Variants in MYCBP2 observed in about 807,000 individuals in gnomAD.
The protein encoded by MYCBP2 is MYC binding protein 2.
Under a neutral mutation model 525.3 loss-of-function variants are expected in MYCBP2, and 120 were observed. That is an observed-to-expected ratio of 0.23 (90% CI 0.20 to 0.27). The LOEUF (loss-of-function observed/expected upper bound fraction) is 0.27. MYCBP2 is among the 10% of genes least tolerant of loss of function. The pLI is 1.00. For missense variants in MYCBP2, 4,149 were observed against 5,657.1 expected (o/e 0.73, Z 8.55); for synonymous variants, 1,894 against 1,955.8 (o/e 0.97, Z 0.83).
rs953653995 is a variant in MYCBP2 at position 77,051,876 on chromosome 13, G to A, written c.13690C>T (p.Arg4564Trp). The A allele has an allele frequency of 5.6e-6, 9 of 1,613,964 alleles. No individual in the cohort carries two copies. The highest frequency in any genetic ancestry group is 4.4e-5 in the South Asian group (4 of 91,080). ...GEARCDAEAG[R>W]GDDYDPRELI... ...TCTCTGGGATCATAATCATCTCCCCGTCCAGCCTCAGCATCGCAGCGAGCT... is the reference window on the plus strand; with the variant it reads ...TCTCTGGGATCATAATCATCTCCCCATCCAGCCTCAGCATCGCAGCGAGCT... The change falls in exon 81 of 83, where the codon CGG becomes TGG. Residue 4564 changes from arginine to tryptophan, a missense_variant. Arg to Trp is a moderately radical substitution (Grantham distance 101). Around this residue, in one of 21 missense-constraint regions of MYCBP2, gnomAD observed 24 missense variants for 24.9 expected, o/e 0.96. Transcript: ENST00000544440.
chr13:77,164,197 C>T (rs1466723401), intron 43 of MYCBP2, among the ~76,000 whole-genome samples: 1 of 152,050 alleles, frequency 6.6e-6, no homozygotes, highest in Admixed American at 6.6e-5. Flanking sequence ...GCTGAATATA[C>T]ACACTATACC....
At chr13:77,166,687 G>A (rs1348738113) in intron 40 of MYCBP2, 133 bp from the exon 41 acceptor site, 2 of 496,500 alleles carry the variant, frequency 4.0e-6, no homozygotes, top group African/African-American at 3.9e-5. Context: ...AATTAAAATA[G>A]AATAAAATGT....
intron 46 of MYCBP2, among the ~76,000 whole-genome samples, chr13:77,154,525 A>G (rs1200260407): frequency 6.6e-6 from 1 of 152,134 alleles, no homozygotes; most frequent in Non-Finnish European, 1.5e-5. Flanking sequence ...CCAGATATCA[A>G]AAGAGATAAT....
rs2080160395 is a variant in MYCBP2 at position 77,311,210 on chromosome 13, T to C, written c.303-14536A>G. 2.0e-5 allele frequency among the ~76,000 whole-genome samples: 3 copies of C among 152,184 alleles called. No homozygotes were observed. In the South Asian group the frequency reaches 6.2e-4, roughly 32 times the overall value. On this transcript the variant is annotated intron_variant, in intron 1 of 82. Transcript: ENST00000544440. ...GAACTGAGAAAAGAAACTGATATGA[T>C]GGAAAATGGGTAAGAAGTCCTGAAA...
At chr13:77,243,706 C>A (rs1331335010) in intron 16 of MYCBP2, 100 bp downstream of exon 16, 3 of 1,014,906 alleles carry the variant, frequency 3.0e-6, no homozygotes. Context: ...TAATTATTAT[C>A]CTAATTTATT....
intron 18 of MYCBP2, among the ~76,000 whole-genome samples, chr13:77,225,992 GA>G: frequency 6.6e-6 from 1 of 152,178 alleles, no homozygotes; most frequent in Non-Finnish European, 1.5e-5. Context: ...ATTCACAAGT[GA>G]CTTAGATTTC....
intron 2 of MYCBP2, among the ~76,000 whole-genome samples, chr13:77,290,643 C>T (rs1262985520): frequency 6.6e-6 from 1 of 152,186 alleles, no homozygotes; most frequent in African/African-American, 2.4e-5. Flanking sequence ...CACTGGACAA[C>T]ATTCTTAAAA....
intron 6 of MYCBP2, 115 bp downstream of exon 6, chr13:77,270,181 A>G (rs2074679029): frequency 2.1e-6 from 3 of 1,430,184 alleles, no homozygotes; most frequent in Admixed American, 2.3e-5. Flanking sequence ...TTTCAAATAA[A>G]TATTATTACA....
In MYCBP2 at chr13:77,326,656, C is replaced by G. The variant is rs1165178677; in HGVS notation, c.120G>C (p.Pro40=). Residue 40 remains proline (P), a synonymous_variant, in exon 1 of 83, where the codon CCG becomes CCC. Transcript: ENST00000544440. This position sits in a 1 kb window ranked among gnomAD's most constrained non-coding sequence, Gnocchi z 4.2. ...CAGCAGCCACGGAGCCGTCGGGAAC[C>G]GGCATGAACAGCGCCCCCGGCGCCG... ...SSPAPGALFM[P]VPDGSVAAAG... The G allele has an allele frequency of 6.6e-7, 1 of 1,510,898 alleles. No homozygotes were observed. The highest frequency in any genetic ancestry group is 2.3e-5 in the Admixed American group (1 of 43,918). 93.6% of individuals were successfully genotyped at this position (1,510,898 alleles called of 1,614,324 possible). A position where few individuals can be genotyped will look rare whatever the true frequency, so the allele number is the denominator to read the frequency against.
At chr13:77,233,341 CT>C in intron 17 of MYCBP2, 78 bp from the exon 18 acceptor site, 1 of 1,145,296 alleles carries the variant, frequency 8.7e-7, no homozygotes, top group Non-Finnish European at 1.3e-6. Context: ...ATAATTCAAA[CT>C]AAAAAGCATA....
intron 52 of MYCBP2, 81 bp from the exon 53 acceptor site, chr13:77,126,623 T>C (rs1483000771): frequency 9.5e-6 from 10 of 1,047,902 alleles, no homozygotes; most frequent in African/African-American, 4.8e-5. Context: ...ATAGCTTTTA[T>C]AGCAAGTCTA....
At chr13:77,083,945 C>A (rs1056495507) in intron 62 of MYCBP2, among the ~76,000 whole-genome samples, 1 of 152,074 alleles carries the variant, frequency 6.6e-6, no homozygotes, top group Non-Finnish European at 1.5e-5. Flanking sequence ...GCACTGGAAA[C>A]AAACTGATCT....
In MYCBP2 at chr13:77,283,968, G is replaced by A. The variant is rs1292783372; in HGVS notation, c.594+4193C>T. On this transcript the variant is annotated intron_variant, in intron 3 of 82. Transcript: ENST00000544440. ...AATCTGTAAAGTTTTAGAGGATGTAGATTTTAGTGACAGTTTGAGCTGGTT... is the reference window on the plus strand; with the variant it reads ...AATCTGTAAAGTTTTAGAGGATGTAAATTTTAGTGACAGTTTGAGCTGGTT... Among the ~76,000 whole-genome samples the A allele has an allele frequency of 2.0e-5, 3 of 152,162 alleles. No homozygotes were observed. The South Asian group carries it at 6.2e-4, about 32-fold the overall frequency.
chr13:77,176,714 A>C, intron 35 of MYCBP2, 86 bp from the exon 36 acceptor site: 1 of 1,088,000 alleles, frequency 9.2e-7, no homozygotes, highest in Admixed American at 3.6e-5. Flanking sequence ...TATTATTTTT[A>C]AAATTTATTT....
At chr13:77,252,456 A>G (rs2071383617) in intron 14 of MYCBP2, among the ~76,000 whole-genome samples, 1 of 152,204 alleles carries the variant, frequency 6.6e-6, no homozygotes, top group Non-Finnish European at 1.5e-5. Context: ...AATGTAAACT[A>G]CAACTGGTAG....
At chr13:77,124,817 A>G (rs893823615) in intron 54 of MYCBP2, among the ~76,000 whole-genome samples, 15 of 152,218 alleles carry the variant, frequency 9.9e-5, no homozygotes, top group African/African-American at 3.6e-4. Flanking sequence ...GGGGACAAAA[A>G]GGAATATATT....
intron 63 of MYCBP2, 24 bp downstream of exon 63, chr13:77,083,003 TACCTA>T (rs2043571488): frequency 1.3e-6 from 2 of 1,588,562 alleles, no homozygotes; most frequent in African/African-American, 1.4e-5. Flanking sequence ...TTGTCCAATG[TACCTA>T]GGATATGTGG....
rs565454396 is a variant in MYCBP2 at position 77,056,992 on chromosome 13, A to T, written c.13431T>A (p.Ile4477=). ...TTTCAGATTCTTTCCATACCTTGCA[A>T]ATGGGACAAGATATAAATCCAAATG... The part of the protein sequence containing the change: ...RITFGFISCP[I]CKNKINHIVL... Residue 4477 remains isoleucine, a synonymous_variant, in exon 79 of 83, where the codon ATT becomes ATA. Coordinates refer to ENST00000544440, the MANE Select transcript of MYCBP2 (RefSeq NM_015057.5). The T allele has an allele frequency of 6.2e-7, 1 of 1,606,954 alleles. No individual in the cohort carries two copies. The highest frequency in any genetic ancestry group is 2.2e-5 in the East Asian group (1 of 44,810).
rs887567587 is a variant in MYCBP2, at chr13:77,250,021, A to G, written c.2381+1130T>C. The stretch of plus-strand genomic sequence containing the variant: ...GGCGGATCACGAGGTCAGGAGATCG[A>G]GACCATCCCGGCTAAAACGGTGAAA... On this transcript the variant is annotated intron_variant, in intron 15 of 82. Transcript: ENST00000544440. Among the ~76,000 whole-genome samples the G allele has an allele frequency of 4.5e-4, 69 of 152,002 alleles. 1 individual carries two copies.
Sources: gnomAD v4.1 joint callset for allele counts (sites outside exome capture counted in the v4.1 genomes callset) on GRCh38, gnomAD v4.1.1 for gene constraint, gnomAD v4.1.1 regional missense constraint, Gnocchi (gnomAD v3.1) non-coding constraint, MANE v1.5 for transcripts, NCBI Gene and HGNC (gene_info 2026-07-23, HGNC 2026-07-21) for gene names.